Variants in ATAD3C observed in about 807,000 individuals in gnomAD.
ATAD3C encodes ATPase family AAA domain-containing protein 3C.
ATAD3C carries 38 observed loss-of-function variants against 46.3 expected under a neutral mutation model. The ratio of observed to expected loss-of-function variants is 0.82; its 90% CI spans 0.63 to 1.08. ATAD3C has a LOEUF of 1.08. ATAD3C is among the 50% of genes least tolerant of loss of function. The pLI, the probability that ATAD3C is intolerant of heterozygous loss-of-function variation, is 0.00. For missense variants in ATAD3C, 563 were observed against 572.7 expected, an observed-to-expected ratio of 0.98 and a Z score of 0.17; for synonymous variants, 220 against 236.4, an observed-to-expected ratio of 0.93 and a Z score of 0.63.
chr1:1,454,107 A>C (rs1638909031), intron 3 of ATAD3C, among the ~76,000 whole-genome samples: 1 of 152,080 alleles, frequency 6.6e-6, no homozygotes. Context: ...TGTAGGATTT[A>C]TGCTACCAGT....
At position 1,461,483 on chromosome 1, in the gene ATAD3C, C is replaced by T. The variant is rs184885380; in HGVS notation, c.980+566C>T. Among the ~76,000 whole-genome samples, 407 of 149,300 alleles carry T rather than the reference C, an allele frequency of 2.7e-3. 6 individuals are homozygous for T. Among genetic ancestry groups the T allele is most frequent in the African/African-American group, 9.5e-3 (374 of 39,550 alleles). ...GATTACAGATGTGAGCCACTGTGCC[C>T]GGCCTCTTTTACGTTCCTCTTCACT... On this transcript the variant is annotated intron_variant, in intron 10 of 11. Coordinates refer to ENST00000378785, the MANE Select transcript of ATAD3C (RefSeq NM_001039211.3).
chr1:1,456,986 AGG>A, intron 7 of ATAD3C, 141 bp from the exon 8 acceptor site: 1 of 1,135,436 alleles, frequency 8.8e-7, no homozygotes, highest in Non-Finnish European at 1.3e-6. Flanking sequence ...AGCTTCTGTC[AGG>A]TCCAGGACTT....
chr1:1,457,969 C>A (rs1287158311), intron 8 of ATAD3C, among the ~76,000 whole-genome samples: 2 of 151,286 alleles, frequency 1.3e-5, no homozygotes, highest in Non-Finnish European at 2.9e-5. Context: ...AGCCACTGCA[C>A]CCGGTCTATT....
chr1:1,452,807 A>G (rs1210259307), intron 3 of ATAD3C, among the ~76,000 whole-genome samples: 1 of 130,580 alleles, frequency 7.7e-6, no homozygotes, highest in Admixed American at 8.0e-5. Flanking sequence ...CAAAAAAAAA[A>G]AAAAGAAAGA....
intron 10 of ATAD3C, among the ~76,000 whole-genome samples, chr1:1,461,711 AC>A (rs761491557): frequency 5.4e-4 from 80 of 146,914 alleles, no homozygotes; most frequent in Non-Finnish European, 1.0e-3. Flanking sequence ...TCCTCATGAG[AC>A]CCCCATGTAG....
chr1:1,458,178 A>C (rs1638998893), intron 8 of ATAD3C, among the ~76,000 whole-genome samples: 1 of 151,354 alleles, frequency 6.6e-6, no homozygotes, highest in African/African-American at 2.4e-5. Context: ...ATGGGGTTTC[A>C]CCATGTTGGT....
At chr1:1,468,099 G>A (rs1050836205) in intron 11 of ATAD3C, among the ~76,000 whole-genome samples, 1 of 152,064 alleles carries the variant, frequency 6.6e-6, no homozygotes, top group African/African-American at 2.4e-5. Flanking sequence ...CCTCTGGGAA[G>A]CTGCCCTGGG....
intron 5 of ATAD3C, 64 bp from the exon 6 acceptor site, chr1:1,455,727 C>T: frequency 3.7e-6 from 6 of 1,602,150 alleles, no homozygotes; most frequent in Non-Finnish European, 5.1e-6. Context: ...ATTCTCGCAG[C>T]CCCTGCCCCC....
At chr1:1,461,587 C>T (rs1168489576) in intron 10 of ATAD3C, among the ~76,000 whole-genome samples, 1 of 127,506 alleles carries the variant, frequency 7.8e-6, no homozygotes, top group Non-Finnish European at 1.5e-5. Context: ...TGGAGTGTTG[C>T]TCTGAGACCC....
chr1:1,452,324 T>TG, intron 2 of ATAD3C, 41 bp from the exon 3 acceptor site: 1 of 1,613,386 alleles, frequency 6.2e-7, no homozygotes, highest in Non-Finnish European at 8.5e-7. Context: ...GTGGCGTGGG[T>TG]CTTTGTTTCC....
chr1:1,460,917 G>A lies in ATAD3C; in HGVS notation c.980G>A (p.Arg327Gln), dbSNP rs372753302. Residue 327 changes from arginine to glutamine, a missense_variant and splice_region_variant, in exon 10 of 12, where the codon CGG becomes CAG. By Grantham distance (43) the Arg-to-Gln change is conservative. Around this residue, in one of 3 missense-constraint regions of ATAD3C, gnomAD observed 273 missense variants for 253.5 expected, o/e 1.08. Transcript: ENST00000378785. ...YVLKPATEGKRRLKLAQFDYG... is the reference protein window; with the variant it reads ...YVLKPATEGKQRLKLAQFDYG... ...CTTAAGCCGGCCACAGAAGGAAAGC[G>A]GTAAGTGTCCCGCCCCACCAGCCCC... 1.4e-5 allele frequency: 22 copies of A among 1,604,646 alleles called. No individual in the cohort carries two copies. In the African/African-American group the frequency reaches 1.5e-4, roughly 11 times the overall value.
rs1639207649 is a variant in ATAD3C, at chr1:1,469,542, C to T, written c.*1012C>T. The T allele has an allele frequency of 6.6e-6, 1 of 151,762 alleles. No individual in the cohort carries two copies. The highest frequency in any genetic ancestry group is 6.6e-5 in the Admixed American group (1 of 15,150). 9.4% of individuals were successfully genotyped at this position (151,762 alleles called of 1,614,324 possible). A position where few individuals can be genotyped will look rare whatever the true frequency, so the allele number is the denominator to read the frequency against. On this transcript the variant is annotated 3_prime_UTR_variant, in exon 12 of 12. Coordinates refer to ENST00000378785, the MANE Select transcript of ATAD3C (RefSeq NM_001039211.3). ...CTGGGGAACTCATTTGGTTTTTCTC[C>T]TCTCTTATTTTTTTGGGTAGAGACA...
chr1:1,465,423 C>T (rs763625305), intron 11 of ATAD3C, among the ~76,000 whole-genome samples: 5 of 150,550 alleles, frequency 3.3e-5, no homozygotes, highest in Non-Finnish European at 7.4e-5. Context: ...AACCCCATCT[C>T]TGCTAAAAAT....
At position 1,451,917 on chromosome 1, in the gene ATAD3C, G is replaced by A. The variant is rs562186185; in HGVS notation, c.76-129G>A. 39 of 1,438,330 alleles carry A rather than the reference G, an allele frequency of 2.7e-5. 1 individual carries two copies. The Admixed American group carries it at 3.2e-4, about 12-fold the overall frequency. The allele number at this position is 1,438,330 out of a possible 1,614,324, so 89.1% of individuals were successfully genotyped here. A position where few individuals can be genotyped will look rare whatever the true frequency, so the allele number is the denominator to read the frequency against. ...ACCCGTGTCTGTGTCAGGGTGCGGC[G>A]TCTGCAGGTCCCCAGGTGCCCGGGA... On this transcript the variant is annotated intron_variant, in intron 1 of 11. Transcript: ENST00000378785.
Position 1,452,369 on chromosome 1 carries a change from G to T in ATAD3C, c.157G>T (p.Ala53Ser), listed in dbSNP as rs1006677057. Residue 53 changes from alanine to serine, a missense_variant, in exon 3 of 12, where the codon GCT becomes TCT. Ala to Ser is a moderately conservative substitution (Grantham distance 99). Transcript: ENST00000378785. ...HQTFLESIRA[A>S]GTLFGEGFRA... The stretch of plus-strand genomic sequence containing the variant: ...ACACCACTGCTTTCCCCACAGGGCG[G>T]CTGGCACCTTGTTTGGGGAAGGATT... 14 of 1,613,682 alleles carry T rather than the reference G, an allele frequency of 8.7e-6. No individual in the cohort carries two copies. Among genetic ancestry groups the T allele is most frequent in the Non-Finnish European group, 1.2e-5 (14 of 1,179,770 alleles).
chr1:1,457,391 A>G (rs1044507034), intron 8 of ATAD3C, among the ~76,000 whole-genome samples: 9 of 151,682 alleles, frequency 5.9e-5, no homozygotes, highest in Admixed American at 1.3e-4. Context: ...TCAGGAGATC[A>G]AGACCATCCT....
chr1:1,468,516 C>T lies in ATAD3C; in HGVS notation c.1222C>T (p.Gln408Ter), dbSNP rs1382666483. The T allele has an allele frequency of 6.2e-7, 1 of 1,607,534 alleles. No homozygotes were observed. The highest frequency in any genetic ancestry group is 8.5e-7 in the Non-Finnish European group (1 of 1,177,168). Residue 408 changes from glutamine to a stop codon, truncating the protein, a stop_gained, in exon 12 of 12, where the codon CAA (glutamine) becomes TAA (stop). Coordinates refer to ENST00000378785, the MANE Select transcript of ATAD3C (RefSeq NM_001039211.3). LOFTEE classifies it high-confidence loss of function. ...KGERPGPEDE[Q>*]PSS ...GGAGAGGCCTGGGCCCGAGGACGAG[C>T]AACCCTCATCCTGAGTCCATGGGGA...
Position 1,460,860 on chromosome 1 carries a change from G to C in ATAD3C, c.923G>C (p.Arg308Pro), listed in dbSNP as rs752219017. 7 of 1,613,062 alleles carry C rather than the reference G, an allele frequency of 4.3e-6. No homozygotes were observed. Among genetic ancestry groups the C allele is most frequent in the Non-Finnish European group, 5.9e-6 (7 of 1,179,454 alleles). Reference protein sequence around the residue: ...FDLPGQEERARLVRMYLNEYV... With the variant: ...FDLPGQEERAPLVRMYLNEYV... ...CTGCCAGGGCAGGAGGAGCGGGCGC[G>C]CCTGGTGAGAATGTATCTTAACGAG... The change falls in exon 10 of 12, where the codon CGC (arginine) becomes CCC (proline). Residue 308 changes from arginine to proline, a missense_variant. Physicochemically the swap from Arg to Pro is moderately radical, Grantham distance 103 (BLOSUM62 -2). Coordinates refer to ENST00000378785, the MANE Select transcript of ATAD3C (RefSeq NM_001039211.3).
chr1:1,461,096 G>C (rs1283228031), intron 10 of ATAD3C, among the ~76,000 whole-genome samples, 179 bp downstream of exon 10: 2 of 152,044 alleles, frequency 1.3e-5, no homozygotes, highest in African/African-American at 4.8e-5. Flanking sequence ...CATCCAGGGA[G>C]GTCCTGCCAC....
Sources: allele counts gnomAD v4.1 joint callset (sites outside exome capture counted in the v4.1 genomes callset), GRCh38; gene constraint gnomAD v4.1.1; regional missense constraint gnomAD v4.1.1; transcripts MANE v1.5; gene names NCBI Gene and HGNC (gene_info 2026-07-23, HGNC 2026-07-21).